Variants in CEMIP2 observed in about 807,000 individuals in gnomAD.
CEMIP2 encodes cell surface hyaluronidase CEMIP2.
Under a neutral mutation model 146.9 loss-of-function variants are expected in CEMIP2, and 79 were observed. The observed-to-expected ratio is 0.54, with a 90% CI of 0.45 to 0.65. The LOEUF (loss-of-function observed/expected upper bound fraction) is 0.65. Among genes scored for constraint, CEMIP2 ranks in the 30% least tolerant of loss-of-function variants. The probability of loss-of-function intolerance (pLI) is 0.00; values close to 1 mark genes in which losing one functional copy is unlikely to be tolerated. For missense variants in CEMIP2, 1,596 were observed against 1,696.2 expected (o/e 0.94, Z 1.04); for synonymous variants, 601 against 606.3 (o/e 0.99, Z 0.13).
intron 13 of CEMIP2, among the ~76,000 whole-genome samples, chr9:71,717,532 G>T (rs1823095147): frequency 6.6e-6 from 1 of 152,186 alleles, no homozygotes; most frequent in African/African-American, 2.4e-5. Flanking sequence ...TAAGATATAA[G>T]TCAACAGATT....
At position 71,725,654 on chromosome 9, in the gene CEMIP2, A is replaced by C. The variant is rs201479975; in HGVS notation, c.2105T>G (p.Leu702Trp). 2.5e-6 allele frequency: 4 copies of C among 1,614,080 alleles called. No individual in the cohort carries two copies. The highest frequency in any genetic ancestry group is 1.7e-6 in the Non-Finnish European group (2 of 1,179,968). ...HKEPTGESSG[L>W]QLLAKPELTP... is the part of the protein sequence containing the mutation. ...GAGTTCTGGTTTTGCCAAGAGCTGC[A>C]ATCCACTGGATTCCCCAGTTGGTTC... The change falls in exon 11 of 24, where the codon TTG (leucine) becomes TGG (tryptophan). Residue 702 changes from leucine (L) to tryptophan (W), a missense_variant. Transcript: ENST00000377044.
At chr9:71,688,084 C>T (rs942834418) in intron 22 of CEMIP2, among the ~76,000 whole-genome samples, 1 of 152,108 alleles carries the variant, frequency 6.6e-6, no homozygotes, top group South Asian at 2.1e-4. Context: ...CTTGAACTCC[C>T]GGCCTCAAGC....
chr9:71,718,196 T>G, intron 12 of CEMIP2, 117 bp from the exon 13 acceptor site: 1 of 985,116 alleles, frequency 1.0e-6, no homozygotes, highest in Non-Finnish European at 1.4e-6. Context: ...AATGAAAAAT[T>G]CTTAAGATAC....
At chr9:71,727,398 C>T (rs1442242717) in intron 10 of CEMIP2, among the ~76,000 whole-genome samples, 2 of 152,090 alleles carry the variant, frequency 1.3e-5, no homozygotes, top group Non-Finnish European at 2.9e-5. Context: ...CATACAGGCT[C>T]AAAAATATTT....
intron 1 of CEMIP2, among the ~76,000 whole-genome samples, chr9:71,756,129 T>C (rs1308840333): frequency 6.6e-6 from 1 of 150,706 alleles, no homozygotes; most frequent in Non-Finnish European, 1.5e-5. Context: ...ATACAGTAGA[T>C]ACTCAACAAA....
chr9:71,737,411 A>G (rs1157513457), intron 5 of CEMIP2, among the ~76,000 whole-genome samples: 1 of 151,846 alleles, frequency 6.6e-6, no homozygotes, highest in Non-Finnish European at 1.5e-5. Flanking sequence ...CCGTCTCAAA[A>G]AAAAAAAAAG....
Position 71,709,323 on chromosome 9 carries a change from CG to C in CEMIP2, c.2920del (p.Arg974AlafsTer6). ...AGACACATTTACACAGCTTGGATGG[CG>C]GATCAGGTAGTTGTCCATTCTTCCC... ...YVGRMDNYLI[R>X]HPSCVNVSKW... On this transcript the variant is annotated frameshift_variant, in exon 17 of 24. Coordinates refer to ENST00000377044, the MANE Select transcript of CEMIP2 (RefSeq NM_013390.3). LOFTEE classifies it high-confidence loss of function. 6.2e-7 allele frequency: 1 copy of C among 1,614,170 alleles called. No homozygotes were observed.
At chr9:71,769,462 A>C (rs1467196172), upstream of CEMIP2, among the ~76,000 whole-genome samples, 1 of 152,136 alleles carries the variant, frequency 6.6e-6, no homozygotes, top group Non-Finnish European at 1.5e-5. Flanking sequence ...CCTTGGAGCA[A>C]CCCCAGCATC....
At chr9:71,737,887 T>A (rs1484052368) in intron 5 of CEMIP2, among the ~76,000 whole-genome samples, 2 of 152,158 alleles carry the variant, frequency 1.3e-5, no homozygotes, top group African/African-American at 4.8e-5. Context: ...ACAATAATGA[T>A]AGCTAATAGT....
At chr9:71,722,367 T>G in intron 12 of CEMIP2, 60 bp downstream of exon 12, 1 of 1,286,614 alleles carries the variant, frequency 7.8e-7, no homozygotes, top group Non-Finnish European at 1.1e-6. Flanking sequence ...TAAACTCCAG[T>G]TAGAAAGTTT....
intron 1 of CEMIP2, among the ~76,000 whole-genome samples, chr9:71,767,520 G>T (rs1824832679): frequency 1.3e-5 from 2 of 152,218 alleles, no homozygotes; most frequent in African/African-American, 4.8e-5. Context: ...AACCTGCGGA[G>T]AATTCAAGTG....
rs756452351 is a variant in CEMIP2, at chr9:71,746,249, G to A, written c.424C>T (p.Arg142Cys). The change falls in exon 3 of 24, where the codon CGT (arginine) becomes TGT (cysteine). Residue 142 changes from arginine (R) to cysteine (C), a missense_variant. Coordinates refer to ENST00000377044, the MANE Select transcript of CEMIP2 (RefSeq NM_013390.3). ...QVVIKEGDML[R>C]LTSDATVHSI... ...TGCACGGTGGCGTCTGAGGTCAGAC[G>A]GAGCATATCTCCCTCCTTGATAACA... The A allele has an allele frequency of 1.2e-5, 19 of 1,613,754 alleles. No individual in the cohort carries two copies. The highest frequency in any genetic ancestry group is 5.3e-5 in the African/African-American group (4 of 74,868).
intron 4 of CEMIP2, among the ~76,000 whole-genome samples, chr9:71,741,110 G>C (rs1823901119): frequency 6.7e-6 from 1 of 149,874 alleles, no homozygotes; most frequent in South Asian, 2.1e-4. Context: ...TGACATAATT[G>C]ATCTAAGGTG....
chr9:71,738,493 C>T (rs534037425), intron 5 of CEMIP2, among the ~76,000 whole-genome samples: 7 of 150,872 alleles, frequency 4.6e-5, no homozygotes, highest in East Asian at 3.9e-4. Context: ...CCAGCCTGGG[C>T]GACAGAACAA....
intron 11 of CEMIP2, among the ~76,000 whole-genome samples, chr9:71,723,246 G>T (rs1002902318): frequency 6.6e-6 from 1 of 151,580 alleles, no homozygotes; most frequent in African/African-American, 2.4e-5. Flanking sequence ...TGGAATTGAT[G>T]TGCTACAGAA....
intron 22 of CEMIP2, 138 bp from the exon 23 acceptor site, chr9:71,685,984 T>C: frequency 3.1e-6 from 2 of 652,766 alleles, no homozygotes; most frequent in Admixed American, 5.8e-5. Context: ...AAAGTCTAGA[T>C]GATTTTCCAT....
In CEMIP2 at chr9:71,750,327, G is replaced by A; in HGVS notation, c.47C>T (p.Pro16Leu). ...SRGHSPAFLQ[P>L]QNGNSRHPSG... ...TGGGTGACGACTATTTCCATTCTGA[G>A]GTTGGAGGAAAGCAGGGGAGTGTCC... Residue 16 changes from proline (P) to leucine (L), a missense_variant, in exon 2 of 24, where the codon CCT becomes CTT. Pro to Leu is a moderately conservative substitution (Grantham distance 98). Coordinates refer to ENST00000377044, the MANE Select transcript of CEMIP2 (RefSeq NM_013390.3). 1.2e-6 allele frequency: 2 copies of A among 1,613,938 alleles called. No individual in the cohort carries two copies. Among genetic ancestry groups the A allele is most frequent in the Non-Finnish European group, 1.7e-6 (2 of 1,179,974 alleles).
chr9:71,765,056 T>C (rs1824750182), intron 1 of CEMIP2, among the ~76,000 whole-genome samples: 1 of 152,122 alleles, frequency 6.6e-6, no homozygotes, highest in Non-Finnish European at 1.5e-5. Context: ...TGATGTACTG[T>C]ACTAGACAGC....
intron 5 of CEMIP2, among the ~76,000 whole-genome samples, chr9:71,738,536 A>G (rs986722577): frequency 2.0e-5 from 3 of 150,422 alleles, no homozygotes; most frequent in Non-Finnish European, 4.4e-5. Flanking sequence ...AAAATTCAGT[A>G]ATGCTTTAGA....
Sources: allele counts gnomAD v4.1 joint callset (sites outside exome capture counted in the v4.1 genomes callset), GRCh38; gene constraint gnomAD v4.1.1; transcripts MANE v1.5; gene names NCBI Gene and HGNC (gene_info 2026-07-23, HGNC 2026-07-21).